RELN: variants seen among roughly 807,000 people sequenced by gnomAD.
RELN encodes reelin.
In RELN, 108 loss-of-function variants were observed where a neutral mutation model predicts 427.6. The ratio of observed to expected loss-of-function variants is 0.25; its 90% confidence interval spans 0.22 to 0.30. The LOEUF (loss-of-function observed/expected upper bound fraction) is 0.30. Among genes scored for constraint, RELN ranks in the 10% least tolerant of loss-of-function variants. The probability of loss-of-function intolerance (pLI) is 1.00; values close to 1 mark genes in which losing one functional copy is unlikely to be tolerated. For synonymous variants in RELN, 1,524 were observed against 1,513.4 expected (o/e 1.01, Z -0.16); for missense variants, 3,715 against 4,302.8 (o/e 0.86, Z 3.82).
At chr7:103,963,777 A>T (rs1055093924) in intron 1 of RELN, among the ~76,000 whole-genome samples, 9 of 152,156 alleles carry the variant, frequency 5.9e-5, no homozygotes, top group African/African-American at 1.7e-4. Flanking sequence ...CCCTTTTCAG[A>T]TGAGGAAAAG....
intron 8 of RELN, 138 bp downstream of exon 8, chr7:103,723,002 T>C: frequency 1.5e-6 from 1 of 648,264 alleles, no homozygotes; most frequent in Non-Finnish European, 2.8e-6. Context: ...TTTAAAAATG[T>C]TGTAGATTAT....
At chr7:103,872,359 C>A (rs1379108296) in intron 2 of RELN, among the ~76,000 whole-genome samples, 5 of 139,414 alleles carry the variant, frequency 3.6e-5, no homozygotes, top group Non-Finnish European at 6.3e-5. Flanking sequence ...TGATGATTTC[C>A]AATTTCATCC....
At chr7:103,872,163 C>G (rs1402226946) in intron 2 of RELN, among the ~76,000 whole-genome samples, 1 of 137,764 alleles carries the variant, frequency 7.3e-6, no homozygotes. Context: ...GCTGCACCCA[C>G]TAACTCGTCA....
chr7:103,487,458 T>A (rs1348355488), intron 60 of RELN, among the ~76,000 whole-genome samples: 2 of 128,102 alleles, frequency 1.6e-5, no homozygotes, highest in African/African-American at 2.9e-5. Context: ...GTTGTTACAG[T>A]AAAAAAAAAA....
At chr7:103,617,117 T>A (rs1832098381) in intron 20 of RELN, among the ~76,000 whole-genome samples, 1 of 152,196 alleles carries the variant, frequency 6.6e-6, no homozygotes, top group Admixed American at 6.5e-5. Flanking sequence ...CTACATTTTT[T>A]GATTATTAAA....
At position 103,630,725 on chromosome 7, in the gene RELN, G is replaced by A. The variant is rs575129842; in HGVS notation, c.2466-549C>T. 5.9e-5 allele frequency among the ~76,000 whole-genome samples: 9 copies of A among 152,208 alleles called. No individual in the cohort carries two copies. The South Asian group carries it at 8.3e-4, about 14-fold the overall frequency. On this transcript the variant is annotated intron_variant, in intron 19 of 64. Transcript: ENST00000428762. ...CATAAATCACAGTACCATGCTGATCGCATCCATACACAGGTGAGATGTGAA... is the reference window on the plus strand; with the variant it reads ...CATAAATCACAGTACCATGCTGATCACATCCATACACAGGTGAGATGTGAA...
chr7:103,926,447 A>G (rs1795737932), intron 1 of RELN, among the ~76,000 whole-genome samples: 1 of 152,010 alleles, frequency 6.6e-6, no homozygotes, highest in Admixed American at 6.6e-5. Context: ...AAATTCTTAA[A>G]TATGTTCATA....
chr7:103,867,636 A>C (rs1007061351), intron 2 of RELN, among the ~76,000 whole-genome samples: 2 of 152,056 alleles, frequency 1.3e-5, no homozygotes, highest in Non-Finnish European at 2.9e-5. Context: ...TTTGGGAGTC[A>C]GAATTCTTAC....
intron 41 of RELN, among the ~76,000 whole-genome samples, chr7:103,550,114 C>T (rs1031558423): frequency 2.6e-5 from 4 of 152,134 alleles, no homozygotes; most frequent in Admixed American, 2.6e-4. Context: ...ATTCAACAAC[C>T]CAAAATATTA....
chr7:103,617,283 G>A (rs1832102906), intron 20 of RELN, among the ~76,000 whole-genome samples: 1 of 151,992 alleles, frequency 6.6e-6, no homozygotes, highest in African/African-American at 2.4e-5. Flanking sequence ...TGTCATATGT[G>A]TTGAAAATAT....
chr7:103,910,430 C>T (rs1350047487), intron 2 of RELN, among the ~76,000 whole-genome samples: 7 of 151,730 alleles, frequency 4.6e-5, no homozygotes, highest in South Asian at 4.2e-4. Flanking sequence ...ATTGCCCTGG[C>T]CAGAACTTCC....
At chr7:103,966,760 T>C (rs1280363034) in intron 1 of RELN, among the ~76,000 whole-genome samples, 1 of 152,196 alleles carries the variant, frequency 6.6e-6, no homozygotes, top group Non-Finnish European at 1.5e-5. Context: ...ACCAAGCAAG[T>C]TGCCCATTTT....
intron 4 of RELN, among the ~76,000 whole-genome samples, chr7:103,767,739 A>G (rs2116162753): frequency 1.3e-5 from 2 of 152,332 alleles, no homozygotes; most frequent in South Asian, 4.1e-4. Flanking sequence ...CACAATGTTT[A>G]TCTTTAAAAT....
chr7:103,841,188 T>C (rs1793543110), intron 2 of RELN, among the ~76,000 whole-genome samples: 1 of 152,208 alleles, frequency 6.6e-6, no homozygotes, highest in Non-Finnish European at 1.5e-5. Flanking sequence ...AGTAAGACTT[T>C]AAAGCATCCA....
chr7:103,810,116 A>G (rs1276009057), intron 3 of RELN, among the ~76,000 whole-genome samples: 4 of 152,140 alleles, frequency 2.6e-5, no homozygotes, highest in Non-Finnish European at 5.9e-5. Flanking sequence ...TACTTCAATT[A>G]CCTTGCTGTT....
intron 1 of RELN, among the ~76,000 whole-genome samples, chr7:103,943,848 CAAAAAAAA>C (rs10631941): frequency 8.4e-4 from 64 of 76,440 alleles, no homozygotes; most frequent in Admixed American, 1.1e-3. Context: ...ATTCTGTCTC[CAAAAAAAA>C]AAAAAAAAAA....
At chr7:103,907,646 T>C (rs956249037) in intron 2 of RELN, among the ~76,000 whole-genome samples, 1 of 151,730 alleles carries the variant, frequency 6.6e-6, no homozygotes, top group African/African-American at 2.4e-5. Flanking sequence ...TTGTACAATC[T>C]TGTGAATATA....
intron 8 of RELN, among the ~76,000 whole-genome samples, chr7:103,714,874 T>C (rs1789899268): frequency 6.6e-6 from 1 of 152,192 alleles, no homozygotes; most frequent in African/African-American, 2.4e-5. Flanking sequence ...ACAGAAATCC[T>C]CTAATTACTC....
intron 2 of RELN, among the ~76,000 whole-genome samples, chr7:103,914,223 T>A (rs1225650317): frequency 6.6e-6 from 1 of 152,170 alleles, no homozygotes; most frequent in African/African-American, 2.4e-5. Context: ...CAATATGATA[T>A]ATGCATTTTA....
Sources: gnomAD v4.1 joint callset for allele counts (sites outside exome capture counted in the v4.1 genomes callset) on GRCh38, gnomAD v4.1.1 for gene constraint, MANE v1.5 for transcripts, NCBI Gene and HGNC (gene_info 2026-07-23, HGNC 2026-07-21) for gene names.